Variants in KLRG1 observed in about 807,000 individuals in gnomAD.
KLRG1 encodes the protein killer cell lectin like receptor G1.
A neutral mutation model predicts 21.8 loss-of-function variants in KLRG1; 16 were observed. That is an observed-to-expected ratio of 0.73 (90% CI 0.50 to 1.11). The LOEUF (loss-of-function observed/expected upper bound fraction) is 1.11, where lower values mean the gene tolerates loss of function less well. Ranked by LOEUF, KLRG1 falls within the 50% of genes most tolerant of loss-of-function variation. KLRG1 has a pLI of 0.00. For missense variants in KLRG1, 173 were observed against 218.3 expected, an observed-to-expected ratio of 0.79 and a Z score of 1.31; for synonymous variants, 69 against 75.9, an observed-to-expected ratio of 0.91 and a Z score of 0.47.
chr12:9,183,628 C>A, the KLRG1 span, among the ~76,000 whole-genome samples: 1 of 152,138 alleles, frequency 6.6e-6, no homozygotes, highest in East Asian at 1.9e-4. Flanking sequence ...TCCCAAACTC[C>A]TCGGTTCAAG....
chr12:9,067,588 A>AT, the KLRG1 span: 5 of 592,440 alleles, frequency 8.4e-6, no homozygotes, highest in South Asian at 1.8e-5. Flanking sequence ...TCACTGTATC[A>AT]TTTTTTTGTA....
At chr12:9,164,121 A>T in the KLRG1 span, 1 of 1,608,266 alleles carries the variant, frequency 6.2e-7, no homozygotes, top group Non-Finnish European at 8.5e-7. Flanking sequence ...CCTTTTGGGT[A>T]CTGTCACTCA....
the KLRG1 span, among the ~76,000 whole-genome samples, chr12:9,032,395 G>T: frequency 6.6e-6 from 1 of 152,198 alleles, no homozygotes; most frequent in Admixed American, 6.5e-5. Context: ...ATGACAGTAA[G>T]AGAAAACTGA....
the KLRG1 span, among the ~76,000 whole-genome samples, chr12:9,202,074 T>C: frequency 7.2e-5 from 11 of 152,328 alleles, no homozygotes; most frequent in East Asian, 2.1e-3. Context: ...CTTAATGCAG[T>C]GTGTTCAGAG....
chr12:9,102,940 C>T, the KLRG1 span, among the ~76,000 whole-genome samples: 1 of 151,822 alleles, frequency 6.6e-6, no homozygotes, highest in African/African-American at 2.4e-5. Context: ...AAGAGGCAGG[C>T]GTTTTCCATT....
the KLRG1 span, among the ~76,000 whole-genome samples, chr12:9,056,958 C>T: frequency 6.6e-6 from 1 of 152,170 alleles, no homozygotes; most frequent in African/African-American, 2.4e-5. Context: ...TATTTCTTTG[C>T]ATTGCTATAT....
chr12:9,150,764 A>C, the KLRG1 span: 2 of 1,529,316 alleles, frequency 1.3e-6, no homozygotes, highest in Non-Finnish European at 1.8e-6. Context: ...GAAAAGTGGG[A>C]GTAATCAAGA....
chr12:9,144,331 C>T, the KLRG1 span, among the ~76,000 whole-genome samples: 5 of 152,174 alleles, frequency 3.3e-5, no homozygotes, highest in South Asian at 1.0e-3. Flanking sequence ...CCAGCCTGAG[C>T]CTCACAGTTC....
chr12:8,978,649 T>TTTCTTTCC (rs1946699618), intron 1 of KLRG1, among the ~76,000 whole-genome samples: 1 of 90,500 alleles, frequency 1.1e-5, no homozygotes, highest in African/African-American at 3.7e-5. Context: ...CTTTTCTTTC[T>TTTCTTTCC]TTCTTTCTTT....
chr12:9,187,077 C>A, the KLRG1 span, among the ~76,000 whole-genome samples: 140 of 128,564 alleles, frequency 1.1e-3, no homozygotes, highest in African/African-American at 1.5e-3. Context: ...CAAGAAAGGT[C>A]AAAAAAAAAA....
chr12:9,141,403 T>A, the KLRG1 span, among the ~76,000 whole-genome samples: 1 of 152,248 alleles, frequency 6.6e-6, no homozygotes, highest in African/African-American at 2.4e-5. Context: ...ATTTTAATGT[T>A]TGACCATAAG....
the KLRG1 span, chr12:9,058,941 CAAAT>C: frequency 4.0e-4 from 61 of 152,708 alleles, no homozygotes; most frequent in African/African-American, 1.4e-3. Flanking sequence ...TACAAAGAGA[CAAAT>C]AGACTATGAG....
At chr12:9,115,893 C>A in the KLRG1 span, 1 of 1,478,416 alleles carries the variant, frequency 6.8e-7, no homozygotes, top group South Asian at 1.1e-5. Context: ...TGTATTGTAC[C>A]CTACTCCCTA....
the KLRG1 span, among the ~76,000 whole-genome samples, chr12:9,083,839 C>G: frequency 6.7e-6 from 1 of 150,332 alleles, no homozygotes; most frequent in Non-Finnish European, 1.5e-5. Flanking sequence ...ACAGAGGTCT[C>G]CAGTGAAATT....
the KLRG1 span, among the ~76,000 whole-genome samples, chr12:9,185,913 T>C: frequency 6.6e-6 from 1 of 151,292 alleles, no homozygotes; most frequent in Non-Finnish European, 1.5e-5. Flanking sequence ...GTTCAAACAG[T>C]TCTCCTGCCT....
At chr12:9,112,780 G>A in the KLRG1 span, 1 of 485,444 alleles carries the variant, frequency 2.1e-6, no homozygotes, top group Non-Finnish European at 3.7e-6. Context: ...CCTTCATACA[G>A]CTCACAGAAA....
the KLRG1 span, chr12:9,182,069 G>A: frequency 6.2e-7 from 1 of 1,613,552 alleles, no homozygotes; most frequent in Non-Finnish European, 8.5e-7. Context: ...TCGTGCAATG[G>A]GGGCAACGTC....
the KLRG1 span, chr12:9,091,382 G>T: frequency 1.9e-6 from 3 of 1,614,182 alleles, no homozygotes; most frequent in East Asian, 2.2e-5. Context: ...CTTCCACTCG[G>T]TGATGGTGTC....
chr12:8,991,172 CAG>C (rs1296417887), intron 1 of KLRG1, among the ~76,000 whole-genome samples: 1 of 152,084 alleles, frequency 6.6e-6, no homozygotes, highest in Admixed American at 6.6e-5. Context: ...TCTTACTTCA[CAG>C]AGTTTTGCTC....
Sources: gnomAD v4.1 joint callset for allele counts (sites outside exome capture counted in the v4.1 genomes callset) on GRCh38, gnomAD v4.1.1 for gene constraint, MANE v1.5 for transcripts, NCBI Gene and HGNC (gene_info 2026-07-23, HGNC 2026-07-21) for gene names.